CNTNAP2: variants seen among roughly 807,000 people sequenced by gnomAD.
CNTNAP2 encodes contactin associated protein 2.
A neutral mutation model predicts 155.2 loss-of-function variants in CNTNAP2; 98 were observed. The observed-to-expected ratio is 0.63, with a 90% CI of 0.54 to 0.75. CNTNAP2 has a LOEUF of 0.75. Ranked by LOEUF, CNTNAP2 falls within the 30% of genes least tolerant of loss-of-function variation. The pLI is 0.00. For missense variants in CNTNAP2, 1,727 were observed against 1,688.1 expected, an observed-to-expected ratio of 1.02 and a Z score of -0.40; for synonymous variants, 651 against 631.2, an observed-to-expected ratio of 1.03 and a Z score of -0.47.
intron 1 of CNTNAP2, among the ~76,000 whole-genome samples, chr7:146,396,937 G>C (rs137902237): frequency 2.6e-5 from 4 of 152,130 alleles, no homozygotes; most frequent in African/African-American, 9.6e-5. Flanking sequence ...ATTCTTATCT[G>C]AGAAGCATAG....
intron 9 of CNTNAP2, among the ~76,000 whole-genome samples, chr7:147,395,192 A>T (rs962721689): frequency 2.0e-5 from 3 of 152,038 alleles, no homozygotes; most frequent in African/African-American, 7.2e-5. Context: ...AATAGAAATA[A>T]ATATCAAAGA....
chr7:148,231,803 G>C (rs1237134717), intron 20 of CNTNAP2, among the ~76,000 whole-genome samples: 1 of 152,156 alleles, frequency 6.6e-6, no homozygotes, highest in Non-Finnish European at 1.5e-5. Context: ...AAGACCCATA[G>C]TCCCTAATCA....
intron 10 of CNTNAP2, among the ~76,000 whole-genome samples, chr7:147,413,244 A>G (rs965773427): frequency 1.1e-4 from 16 of 152,218 alleles, no homozygotes; most frequent in Non-Finnish European, 1.0e-4. Context: ...AATTTACTGT[A>G]GAGTGTTTTC....
chr7:147,967,231 T>A (rs1801231968), intron 14 of CNTNAP2, among the ~76,000 whole-genome samples: 1 of 152,204 alleles, frequency 6.6e-6, no homozygotes, highest in Admixed American at 6.5e-5. Flanking sequence ...AAATTAGTCT[T>A]CTAGCCAGTA....
At chr7:147,984,373 T>A (rs1801581709) in intron 15 of CNTNAP2, among the ~76,000 whole-genome samples, 1 of 152,196 alleles carries the variant, frequency 6.6e-6, no homozygotes. Flanking sequence ...GGTGCTTAGA[T>A]TTTTAGTTTT....
chr7:146,986,022 G>A (rs1458956497), intron 3 of CNTNAP2, among the ~76,000 whole-genome samples: 1 of 151,682 alleles, frequency 6.6e-6, no homozygotes, highest in Non-Finnish European at 1.5e-5. Flanking sequence ...TATTTCCATA[G>A]GTTATTGGGA....
chr7:147,512,076 G>A (rs543686177), intron 11 of CNTNAP2, among the ~76,000 whole-genome samples: 19 of 152,260 alleles, frequency 1.2e-4, no homozygotes, highest in African/African-American at 4.3e-4. Flanking sequence ...ACATTTTTGA[G>A]AGAAGAAATA....
rs148848499 is a variant in CNTNAP2, at chr7:147,699,907, A to C, written c.2098+60601A>C. On this transcript the variant is annotated intron_variant, in intron 13 of 23. Coordinates refer to ENST00000361727, the MANE Select transcript of CNTNAP2 (RefSeq NM_014141.6). ...CTCTCTCTGAATTTACCTATTCTGA[A>C]TATTTTATATAAATGGAATCACACA... 9.5e-4 allele frequency among the ~76,000 whole-genome samples: 144 copies of C among 152,296 alleles called. 1 individual carries two copies. The highest frequency in any genetic ancestry group is 3.3e-3 in the African/African-American group (138 of 41,576).
chr7:147,576,497 G>A (rs1238721759), intron 12 of CNTNAP2, among the ~76,000 whole-genome samples: 2 of 152,032 alleles, frequency 1.3e-5, no homozygotes, highest in Admixed American at 6.6e-5. Flanking sequence ...TATTCTAGAA[G>A]CAGGATTGAG....
chr7:146,560,033 A>G (rs1798256777), intron 1 of CNTNAP2, among the ~76,000 whole-genome samples: 1 of 152,162 alleles, frequency 6.6e-6, no homozygotes, highest in Non-Finnish European at 1.5e-5. Flanking sequence ...AAACACTTTT[A>G]TTTGCTTGCA....
intron 8 of CNTNAP2, among the ~76,000 whole-genome samples, chr7:147,267,150 A>G (rs1804630478): frequency 6.6e-6 from 1 of 152,220 alleles, no homozygotes. Context: ...AGTCATTTAG[A>G]ATAAATGTAT....
chr7:146,885,760 T>C (rs1795643773), intron 3 of CNTNAP2, among the ~76,000 whole-genome samples: 1 of 152,184 alleles, frequency 6.6e-6, no homozygotes. Flanking sequence ...CGTATTGTCT[T>C]GGAGTGTGCT....
intron 8 of CNTNAP2, among the ~76,000 whole-genome samples, chr7:147,249,410 A>G (rs1218180170): frequency 6.6e-6 from 1 of 152,106 alleles, no homozygotes; most frequent in Admixed American, 6.6e-5. Flanking sequence ...CCCGAAAGAC[A>G]TTCAAACCAT....
intron 13 of CNTNAP2, among the ~76,000 whole-genome samples, chr7:147,709,103 T>A (rs1463043355): frequency 1.3e-5 from 2 of 152,120 alleles, no homozygotes; most frequent in Non-Finnish European, 2.9e-5. Flanking sequence ...AGCTGTTAGA[T>A]CCTTCAGGAT....
At chr7:148,057,986 ATTG>A (rs1038570565) in intron 15 of CNTNAP2, among the ~76,000 whole-genome samples, 10 of 147,790 alleles carry the variant, frequency 6.8e-5, no homozygotes, top group African/African-American at 2.2e-4. Context: ...TATTATTATT[ATTG>A]TTATTATTTG....
At chr7:147,385,336 T>A (rs1049347934) in intron 9 of CNTNAP2, among the ~76,000 whole-genome samples, 1 of 152,032 alleles carries the variant, frequency 6.6e-6, no homozygotes, top group Admixed American at 6.5e-5. Flanking sequence ...TCCCCCAAAG[T>A]CTTAACTCAT....
At chr7:146,932,290 A>G (rs1796780394) in intron 3 of CNTNAP2, among the ~76,000 whole-genome samples, 1 of 152,116 alleles carries the variant, frequency 6.6e-6, no homozygotes, top group Admixed American at 6.6e-5. Context: ...ATATATGCAA[A>G]TCAATAAATG....
intron 1 of CNTNAP2, among the ~76,000 whole-genome samples, chr7:146,475,550 G>A (rs1462636884): frequency 1.3e-5 from 2 of 152,164 alleles, no homozygotes; most frequent in Admixed American, 1.3e-4. Flanking sequence ...GGTTTGGACA[G>A]GATGGTATAA....
At chr7:147,621,131 T>C (rs1794841194) in intron 12 of CNTNAP2, among the ~76,000 whole-genome samples, 1 of 152,118 alleles carries the variant, frequency 6.6e-6, no homozygotes, top group African/African-American at 2.4e-5. Flanking sequence ...GTATATCTGG[T>C]GATGATATCC....
Sources: gnomAD v4.1 joint callset for allele counts (sites outside exome capture counted in the v4.1 genomes callset) on GRCh38, gnomAD v4.1.1 for gene constraint, MANE v1.5 for transcripts, NCBI Gene and HGNC (gene_info 2026-07-23, HGNC 2026-07-21) for gene names.